The following ROBO2 variants were observed in gnomAD, a reference collection of about 807,000 sequenced individuals.
ROBO2 encodes the protein roundabout guidance receptor 2.
ROBO2 carries 53 observed loss-of-function variants against 160.8 expected under a neutral mutation model. That is an observed-to-expected ratio of 0.33 (90% CI 0.26 to 0.41). The LOEUF (loss-of-function observed/expected upper bound fraction) is 0.41, where lower values mean the gene tolerates loss of function less well. Among genes scored for constraint, ROBO2 ranks in the 10% least tolerant of loss-of-function variants. The probability of loss-of-function intolerance (pLI) is 1.00; values close to 1 mark genes in which losing one functional copy is unlikely to be tolerated. For synonymous variants in ROBO2, 664 were observed against 611.7 expected (o/e 1.09, Z -1.26); for missense variants, 1,577 against 1,722.4 (o/e 0.92, Z 1.49).
intron 2 of ROBO2, among the ~76,000 whole-genome samples, chr3:76,513,908 A>G (rs2081227855): frequency 6.6e-6 from 1 of 152,214 alleles, no homozygotes; most frequent in South Asian, 2.1e-4. Flanking sequence ...TGAAAAAATA[A>G]CCATAATATC....
intron 2 of ROBO2, among the ~76,000 whole-genome samples, chr3:75,986,858 A>G (rs956654030): frequency 2.0e-5 from 3 of 151,354 alleles, no homozygotes; most frequent in Non-Finnish European, 4.4e-5. Flanking sequence ...TCTTGGACCC[A>G]TGGTCAAAAA....
At chr3:76,812,519 G>A (rs542822486) in intron 2 of ROBO2, among the ~76,000 whole-genome samples, 2 of 151,828 alleles carry the variant, frequency 1.3e-5, no homozygotes, top group African/African-American at 4.8e-5. Context: ...AGGGAAACTT[G>A]AACAACAAAA....
intron 2 of ROBO2, among the ~76,000 whole-genome samples, chr3:77,383,029 G>A (rs1581522136): frequency 6.6e-6 from 1 of 152,158 alleles, no homozygotes; most frequent in East Asian, 1.9e-4. Flanking sequence ...GTATCTGCAA[G>A]TTTCTTGCTG....
At chr3:77,593,569 C>A (rs1226552613) in intron 17 of ROBO2, among the ~76,000 whole-genome samples, 2 of 152,050 alleles carry the variant, frequency 1.3e-5, no homozygotes, top group Non-Finnish European at 2.9e-5. Flanking sequence ...ATTTCAGGTA[C>A]CAATAAGAAG....
At chr3:76,811,934 A>G (rs763200534) in intron 2 of ROBO2, among the ~76,000 whole-genome samples, 2 of 148,720 alleles carry the variant, frequency 1.3e-5, no homozygotes, top group African/African-American at 5.0e-5. Flanking sequence ...GCAATGGCAC[A>G]ATCTTGGCTC....
intron 2 of ROBO2, among the ~76,000 whole-genome samples, chr3:77,240,209 C>CTG (rs1477064958): frequency 2.0e-5 from 3 of 152,144 alleles, no homozygotes; most frequent in African/African-American, 7.2e-5. Flanking sequence ...GCATGGCAGG[C>CTG]TGCAGGTCCT....
intron 2 of ROBO2, among the ~76,000 whole-genome samples, chr3:76,418,054 G>A (rs114845370): frequency 0.021 from 3,207 of 151,902 alleles, 67 homozygotes; most frequent in African/African-American, 0.054. Flanking sequence ...CCTTAACTTT[G>A]CTTAAATTGT....
chr3:76,474,133 C>T (rs554761625), intron 2 of ROBO2, among the ~76,000 whole-genome samples: 1 of 152,172 alleles, frequency 6.6e-6, no homozygotes, highest in Non-Finnish European at 1.5e-5. Flanking sequence ...AAATACTATA[C>T]CAGGTCGATT....
chr3:76,143,687 A>G (rs930163232), intron 2 of ROBO2, among the ~76,000 whole-genome samples: 3 of 152,096 alleles, frequency 2.0e-5, no homozygotes, highest in African/African-American at 7.2e-5. Flanking sequence ...AAGACTCTTC[A>G]GAGAAACAGA....
chr3:76,560,616 CAAA>C (rs1160642120), intron 2 of ROBO2, among the ~76,000 whole-genome samples: 1 of 108,022 alleles, frequency 9.3e-6, no homozygotes. Context: ...TCTGATTTCA[CAAA>C]AAAAAAAAAA....
intron 16 of ROBO2, among the ~76,000 whole-genome samples, chr3:77,582,612 G>A (rs1285559561): frequency 6.6e-6 from 1 of 151,830 alleles, no homozygotes; most frequent in Non-Finnish European, 1.5e-5. Flanking sequence ...TCATTTCTTT[G>A]CTGACAGTTG....
intron 2 of ROBO2, among the ~76,000 whole-genome samples, chr3:76,514,933 GACAC>G (rs1338113791): frequency 6.6e-6 from 1 of 152,124 alleles, no homozygotes; most frequent in African/African-American, 2.4e-5. Flanking sequence ...CTTGGTTTGA[GACAC>G]ACACAAGTTA....
chr3:76,541,643 G>A (rs1247975642), intron 2 of ROBO2, among the ~76,000 whole-genome samples: 4 of 152,184 alleles, frequency 2.6e-5, no homozygotes, highest in African/African-American at 9.6e-5. Context: ...TCCCACTGAT[G>A]GCGTGGCACA....
At chr3:76,026,634 A>G (rs1413602624) in intron 2 of ROBO2, among the ~76,000 whole-genome samples, 1 of 152,010 alleles carries the variant, frequency 6.6e-6, no homozygotes, top group African/African-American at 2.4e-5. Context: ...GAGATAAAGT[A>G]ATAAACAAAA....
chr3:76,394,622 T>A (rs186702281), intron 2 of ROBO2, among the ~76,000 whole-genome samples: 79 of 152,144 alleles, frequency 5.2e-4, no homozygotes, highest in African/African-American at 1.8e-3. Flanking sequence ...TCTCGAGGAG[T>A]ATCTTTGTGG....
intron 2 of ROBO2, among the ~76,000 whole-genome samples, chr3:76,035,049 C>A (rs764640659): frequency 7.9e-5 from 12 of 152,064 alleles, no homozygotes; most frequent in Non-Finnish European, 1.8e-4. Flanking sequence ...TAATCGCCTC[C>A]TCTTACATAG....
chr3:77,302,109 A>ATT (rs535965352), intron 2 of ROBO2, among the ~76,000 whole-genome samples: 90 of 145,142 alleles, frequency 6.2e-4, no homozygotes, highest in African/African-American at 2.2e-3. Flanking sequence ...AAGTAAAGAC[A>ATT]TTTTTTTTTT....
At chr3:77,386,998 A>T (rs1581552660) in intron 2 of ROBO2, among the ~76,000 whole-genome samples, 2 of 152,036 alleles carry the variant, frequency 1.3e-5, no homozygotes, top group South Asian at 2.1e-4. Flanking sequence ...AAAATGAGAG[A>T]AAAAGAATGC....
intron 2 of ROBO2, among the ~76,000 whole-genome samples, chr3:77,132,167 A>G (rs1269561650): frequency 1.3e-5 from 2 of 152,090 alleles, no homozygotes; most frequent in South Asian, 4.1e-4. Flanking sequence ...ATGATTTATT[A>G]TAGGGTTGTG....
Sources: allele counts gnomAD v4.1 joint callset (sites outside exome capture counted in the v4.1 genomes callset), GRCh38; gene constraint gnomAD v4.1.1; transcripts MANE v1.5; gene names NCBI Gene and HGNC (gene_info 2026-07-23, HGNC 2026-07-21).